ZBTB16: variants seen among roughly 807,000 people sequenced by gnomAD.
The protein encoded by ZBTB16 is zinc finger and BTB domain containing 16, also known as zinc finger and BTB domain-containing protein 16.
In ZBTB16, 8 loss-of-function variants were observed where a neutral mutation model predicts 56.8. The observed-to-expected ratio is 0.14, with a 90% CI of 0.08 to 0.25. ZBTB16 has a LOEUF of 0.25. Among genes scored for constraint, ZBTB16 ranks in the 10% least tolerant of loss-of-function variants. The probability of loss-of-function intolerance (pLI) is 1.00; values close to 1 mark genes in which losing one functional copy is unlikely to be tolerated. For synonymous variants in ZBTB16, 363 were observed against 368.5 expected (o/e 0.98, Z 0.17); for missense variants, 625 against 903.0 (o/e 0.69, Z 3.95).
chr11:114,184,911 C>G (rs1943327838), intron 3 of ZBTB16, among the ~76,000 whole-genome samples: 1 of 152,134 alleles, frequency 6.6e-6, no homozygotes, highest in Non-Finnish European at 1.5e-5. Context: ...GTGGCTCACA[C>G]CTGGAATCCC....
chr11:114,148,389 C>G (rs866891269), intron 2 of ZBTB16, among the ~76,000 whole-genome samples: 2 of 59,814 alleles, frequency 3.3e-5, no homozygotes, highest in Non-Finnish European at 6.9e-5. Context: ...TCCTTCCTTC[C>G]TCCTTCCCTC....
chr11:114,140,495 C>G (rs1172634624), intron 2 of ZBTB16, among the ~76,000 whole-genome samples: 1 of 152,210 alleles, frequency 6.6e-6, no homozygotes, highest in African/African-American at 2.4e-5. Context: ...AGGCCCAGAA[C>G]AGAGGAGACC....
chr11:114,098,346 C>T (rs933793030), intron 2 of ZBTB16, among the ~76,000 whole-genome samples: 8 of 152,064 alleles, frequency 5.3e-5, no homozygotes, highest in Non-Finnish European at 8.8e-5. Context: ...TAGTACCAGG[C>T]GTGTGGGCGC....
Position 114,242,223 on chromosome 11 carries a change from G to C in ZBTB16, c.1510G>C (p.Ala504Pro). ...LCGKRFQAQSALQQHMEVHAG... is the reference protein window; with the variant it reads ...LCGKRFQAQSPLQQHMEVHAG... ...TGGGAAGCGCTTCCAGGCGCAGAGC[G>C]CACTGCAGCAGCACATGGAGGTCCA... Residue 504 changes from alanine to proline, a missense_variant, in exon 5 of 7, where the codon GCA becomes CCA. Transcript: ENST00000335953. 6.2e-7 allele frequency: 1 copy of C among 1,613,886 alleles called. No homozygotes were observed. Among genetic ancestry groups the C allele is most frequent in the Non-Finnish European group, 8.5e-7 (1 of 1,179,984 alleles).
chr11:114,233,844 A>G (rs917249463), intron 4 of ZBTB16, among the ~76,000 whole-genome samples: 1 of 152,166 alleles, frequency 6.6e-6, no homozygotes, highest in African/African-American at 2.4e-5. Flanking sequence ...AATGAAATGC[A>G]CTTGTGTCTG....
intron 4 of ZBTB16, among the ~76,000 whole-genome samples, chr11:114,214,688 C>T (rs1446118537): frequency 1.3e-5 from 2 of 152,188 alleles, no homozygotes; most frequent in Non-Finnish European, 2.9e-5. Context: ...ACTGCAATCT[C>T]CGCCTCCCGG....
intron 1 of ZBTB16, chr11:114,061,291 G>A (rs1938849048): frequency 6.6e-6 from 1 of 151,660 alleles, no homozygotes; most frequent in South Asian, 2.1e-4. Context: ...GGCTGCCCGT[G>A]GGCGCCCAGA....
At chr11:114,121,474 T>C (rs1941344556) in intron 2 of ZBTB16, among the ~76,000 whole-genome samples, 1 of 152,196 alleles carries the variant, frequency 6.6e-6, no homozygotes, top group Non-Finnish European at 1.5e-5. Flanking sequence ...TCGTCTTTCT[T>C]ATTCTCATGC....
chr11:114,148,524 C>T (rs58724728), intron 2 of ZBTB16, among the ~76,000 whole-genome samples: 6,010 of 132,952 alleles, frequency 0.045, 248 homozygotes, highest in Admixed American at 0.062. Context: ...GATGGAGTCT[C>T]GTTCTGTCAC....
chr11:114,061,298 C>G (rs1162113615), intron 1 of ZBTB16: 1 of 151,188 alleles, frequency 6.6e-6, no homozygotes, highest in East Asian at 2.0e-4. Flanking sequence ...CGTGGGCGCC[C>G]AGATTTCCCT....
At chr11:114,175,637 T>C (rs1224138876) in intron 3 of ZBTB16, among the ~76,000 whole-genome samples, 1 of 151,930 alleles carries the variant, frequency 6.6e-6, no homozygotes, top group African/African-American at 2.4e-5. Context: ...GAATTATCAA[T>C]ATTGAGATGC....
intron 2 of ZBTB16, among the ~76,000 whole-genome samples, chr11:114,133,564 G>C (rs1941722560): frequency 6.6e-6 from 1 of 152,236 alleles, no homozygotes; most frequent in African/African-American, 2.4e-5. Flanking sequence ...CCCTGGCACA[G>C]AGCAGTCATC....
intron 4 of ZBTB16, among the ~76,000 whole-genome samples, chr11:114,240,824 A>G (rs1295197480): frequency 6.6e-6 from 1 of 152,224 alleles, no homozygotes. Context: ...GAATTAAATG[A>G]AAATCTCACA....
At chr11:114,095,703 G>T (rs238935) in intron 2 of ZBTB16, among the ~76,000 whole-genome samples, 84,897 of 152,034 alleles carry the variant, frequency 0.56, 27,681 homozygotes, top group Non-Finnish European at 0.74. Context: ...TTAAACAACT[G>T]CGAGGCTCAG....
chr11:114,212,123 T>G (rs570878612), intron 4 of ZBTB16, among the ~76,000 whole-genome samples: 1 of 152,140 alleles, frequency 6.6e-6, no homozygotes, highest in African/African-American at 2.4e-5. Flanking sequence ...AAACAGCTTT[T>G]TCTTTTCCTT....
At chr11:114,193,625 T>C (rs890409215) in intron 4 of ZBTB16, among the ~76,000 whole-genome samples, 1 of 152,192 alleles carries the variant, frequency 6.6e-6, no homozygotes, top group Admixed American at 6.5e-5. Flanking sequence ...TTGCCCTCTC[T>C]GTTCCAGGAA....
chr11:114,105,139 T>A (rs1429031650), intron 2 of ZBTB16, among the ~76,000 whole-genome samples: 1 of 152,228 alleles, frequency 6.6e-6, no homozygotes, highest in Non-Finnish European at 1.5e-5. Context: ...CTAGTTTTTC[T>A]TGCTGTAATC....
In ZBTB16 at chr11:114,229,538, C is replaced by T. The variant is rs567367918; in HGVS notation, c.1454-12629C>T. Among the ~76,000 whole-genome samples the T allele has an allele frequency of 1.6e-4, 25 of 152,274 alleles. No individual in the cohort carries two copies. In the South Asian group the frequency reaches 5.2e-3, roughly 32 times the overall value. ...GGCTGCTTCTAAATCCAGCCTCTCA[C>T]CCTCTACCTGGTAGCCCACTCTCAC... On this transcript the variant is annotated intron_variant, in intron 4 of 6. Coordinates refer to ENST00000335953, the MANE Select transcript of ZBTB16 (RefSeq NM_006006.6).
At chr11:114,225,696 T>C (rs487758) in intron 4 of ZBTB16, among the ~76,000 whole-genome samples, 133,968 of 152,234 alleles carry the variant, frequency 0.88, 59,057 homozygotes, top group East Asian at 0.98. Context: ...GATCAAGTTT[T>C]CAACACAGGA....
Sources: allele counts gnomAD v4.1 joint callset (sites outside exome capture counted in the v4.1 genomes callset), GRCh38; gene constraint gnomAD v4.1.1; transcripts MANE v1.5; gene names NCBI Gene and HGNC (gene_info 2026-07-23, HGNC 2026-07-21).